Variants in TRPC4 observed in about 807,000 individuals in gnomAD.
TRPC4 encodes transient receptor potential cation channel subfamily C member 4.
A neutral mutation model predicts 99.4 loss-of-function variants in TRPC4; 49 were observed. That is an observed-to-expected ratio of 0.49 (90% CI 0.39 to 0.63). The LOEUF (loss-of-function observed/expected upper bound fraction) is 0.63, where lower values mean the gene tolerates loss of function less well. Among genes scored for constraint, TRPC4 ranks in the 20% least tolerant of loss-of-function variants. The pLI is 0.00. For synonymous variants in TRPC4, 454 were observed against 425.9 expected (o/e 1.07, Z -0.81); for missense variants, 898 against 1,152.9 (o/e 0.78, Z 3.20).
At chr13:37,720,454 G>T (rs74047132) in intron 3 of TRPC4, among the ~76,000 whole-genome samples, 5,930 of 152,008 alleles carry the variant, frequency 0.039, 335 homozygotes, top group African/African-American at 0.13. Flanking sequence ...GTTATTATTA[G>T]TAGTAGTAGT....
Position 37,851,213 on chromosome 13 carries a change from G to A in TRPC4, c.-28+18382C>T, listed in dbSNP as rs896811545. Among the ~76,000 whole-genome samples the A allele has an allele frequency of 2.0e-5, 3 of 152,288 alleles. No individual in the cohort carries two copies. In the South Asian group the frequency reaches 6.2e-4, roughly 32 times the overall value. On this transcript the variant is annotated intron_variant, in intron 1 of 10. Transcript: ENST00000379705. Reference sequence around the variant, plus strand: ...AATTAGTCTCCAGTCATTCCAGCCTGTGATTGGATTAGATGATTTACTCTT... The same window carrying A: ...AATTAGTCTCCAGTCATTCCAGCCTATGATTGGATTAGATGATTTACTCTT...
intron 8 of TRPC4, 109 bp downstream of exon 8, chr13:37,651,156 A>C: frequency 8.2e-7 from 1 of 1,212,766 alleles, no homozygotes; most frequent in South Asian, 1.4e-5. Context: ...ATGACATGCA[A>C]TCAGTAAGAA....
rs11446579 is a variant in TRPC4, at chr13:37,644,872, C to CAAAA, written c.2080-5577_2080-5574dup. On this transcript the variant is annotated intron_variant, in intron 8 of 10. Coordinates refer to ENST00000379705, the MANE Select transcript of TRPC4 (RefSeq NM_016179.4). The stretch of plus-strand genomic sequence containing the variant: ...TGGGCAACAGAGCGAGACTCCATCT[C>CAAAA]AAAAAAAAAAAAAAAAAAAAGAAAG... Among the ~76,000 whole-genome samples, 89 of 81,308 alleles carry CAAAA rather than the reference C, an allele frequency of 1.1e-3. 1 individual carries two copies. Among genetic ancestry groups the CAAAA allele is most frequent in the South Asian group, 1.7e-3 (3 of 1,728 alleles). 53.3% of individuals were successfully genotyped at this position (81,308 alleles called of 152,430 possible).
chr13:37,724,021 A>T (rs1358182786), intron 3 of TRPC4, among the ~76,000 whole-genome samples: 1 of 152,160 alleles, frequency 6.6e-6, no homozygotes, highest in Non-Finnish European at 1.5e-5. Context: ...TGATAGGAAA[A>T]ATTGGGAAAA....
At chr13:37,717,560 G>C (rs1054568023) in intron 3 of TRPC4, among the ~76,000 whole-genome samples, 1 of 152,116 alleles carries the variant, frequency 6.6e-6, no homozygotes, top group Non-Finnish European at 1.5e-5. Flanking sequence ...CAGAACCTTA[G>C]AGTGTGACAG....
At chr13:37,790,760 G>A (rs1476134381) in intron 1 of TRPC4, among the ~76,000 whole-genome samples, 1 of 151,966 alleles carries the variant, frequency 6.6e-6, no homozygotes, top group African/African-American at 2.4e-5. Flanking sequence ...TCCCCCCTTT[G>A]GTGACATGGT....
At chr13:37,811,608 G>T (rs575531148) in intron 1 of TRPC4, among the ~76,000 whole-genome samples, 11 of 152,092 alleles carry the variant, frequency 7.2e-5, no homozygotes, top group Non-Finnish European at 1.6e-4. Context: ...GAATGTTCTC[G>T]TCTAGTATTC....
At chr13:37,662,909 A>G (rs1952494886) in intron 6 of TRPC4, among the ~76,000 whole-genome samples, 1 of 152,208 alleles carries the variant, frequency 6.6e-6, no homozygotes, top group Non-Finnish European at 1.5e-5. Flanking sequence ...GCATGACAGT[A>G]ATGGCTAGAT....
chr13:37,666,108 A>G (rs914371553), intron 5 of TRPC4, among the ~76,000 whole-genome samples: 1 of 152,206 alleles, frequency 6.6e-6, no homozygotes, highest in African/African-American at 2.4e-5. Context: ...TCTTCTTCCC[A>G]GAAGCTATTG....
chr13:37,637,098 T>C lies in TRPC4; in HGVS notation c.2739A>G (p.Glu913=). The C allele has an allele frequency of 6.2e-7, 1 of 1,613,762 alleles. No homozygotes were observed. The highest frequency in any genetic ancestry group is 8.5e-7 in the Non-Finnish European group (1 of 1,179,798). Residue 913 remains glutamate, a synonymous_variant, in exon 11 of 11, where the codon GAA becomes GAG. Transcript: ENST00000379705. ...SEQCVLVDHR[E]RNTDTLGLQV... is the part of the protein sequence containing the mutation. ...GTAACCCCAGTGTGTCCGTATTCCT[T>C]TCTCTATGGTCTACTAACACACATT...
chr13:37,670,376 A>G (rs1952798910), intron 5 of TRPC4, among the ~76,000 whole-genome samples: 1 of 152,126 alleles, frequency 6.6e-6, no homozygotes, highest in South Asian at 2.1e-4. Flanking sequence ...GTCCAGTTCC[A>G]TGACTTAACC....
intron 3 of TRPC4, among the ~76,000 whole-genome samples, chr13:37,735,616 A>G (rs1339916392): frequency 6.6e-6 from 1 of 152,160 alleles, no homozygotes; most frequent in Admixed American, 6.6e-5. Context: ...CAATCATCAG[A>G]GTCAGAAGTA....
chr13:37,780,507 C>T (rs1435121564), intron 2 of TRPC4, among the ~76,000 whole-genome samples: 1 of 151,992 alleles, frequency 6.6e-6, no homozygotes, highest in Non-Finnish European at 1.5e-5. Context: ...ACACAAATGG[C>T]TTTCAATGAT....
chr13:37,675,355 T>C (rs1241800054), intron 4 of TRPC4, among the ~76,000 whole-genome samples: 2 of 152,166 alleles, frequency 1.3e-5, no homozygotes, highest in Non-Finnish European at 2.9e-5. Flanking sequence ...TTGTGAGACT[T>C]AGCTCACCTG....
chr13:37,635,214 C>T lies in TRPC4; in HGVS notation c.*1689G>A, dbSNP rs1951482777. On this transcript the variant is annotated 3_prime_UTR_variant, in exon 11 of 11. Coordinates refer to ENST00000379705, the MANE Select transcript of TRPC4 (RefSeq NM_016179.4). ...GTGGCAATTGTAACCCCTGTATATG[C>T]ATGTTTTATAACTTGCTCTTTTTAT... Among the ~76,000 whole-genome samples the T allele has an allele frequency of 6.6e-6, 1 of 152,046 alleles. No individual in the cohort carries two copies.
intron 3 of TRPC4, among the ~76,000 whole-genome samples, chr13:37,742,730 G>A (rs1022148038): frequency 5.3e-5 from 8 of 152,026 alleles, no homozygotes; most frequent in African/African-American, 1.9e-4. Context: ...ACCAAACCAA[G>A]GAAAACTTTT....
chr13:37,724,407 AG>A (rs1212407380), intron 3 of TRPC4, among the ~76,000 whole-genome samples: 2 of 152,216 alleles, frequency 1.3e-5, no homozygotes, highest in Non-Finnish European at 2.9e-5. Context: ...AATGGTAAAA[AG>A]GGTCTATAAC....
intron 1 of TRPC4, among the ~76,000 whole-genome samples, chr13:37,861,853 C>A (rs914599568): frequency 1.3e-5 from 2 of 151,486 alleles, no homozygotes; most frequent in Non-Finnish European, 3.0e-5. Context: ...TTTAGAGGCT[C>A]TCAGATGCTT....
rs369070054 is a variant in TRPC4, at chr13:37,732,203, A to G, written c.897+13734T>C. Among the ~76,000 whole-genome samples, 101 of 152,270 alleles carry G rather than the reference A, an allele frequency of 6.6e-4. 1 individual carries two copies. The highest frequency in any genetic ancestry group is 3.4e-3 in the Middle Eastern group (1 of 294). On this transcript the variant is annotated intron_variant, in intron 3 of 10. Transcript: ENST00000379705. Reference sequence around the variant, plus strand: ...GACCTAAAACAATTAATTATAACATAATGTGGTAAATGTACATGCTCTATA... The same window carrying G: ...GACCTAAAACAATTAATTATAACATGATGTGGTAAATGTACATGCTCTATA...
Sources: allele counts gnomAD v4.1 joint callset (sites outside exome capture counted in the v4.1 genomes callset), GRCh38; gene constraint gnomAD v4.1.1; transcripts MANE v1.5; gene names NCBI Gene and HGNC (gene_info 2026-07-23, HGNC 2026-07-21).